Variants in PPP2R5C observed in about 807,000 individuals in gnomAD.
PPP2R5C encodes serine/threonine-protein phosphatase 2A 56 kDa regulatory subunit gamma isoform.
PPP2R5C carries 7 observed loss-of-function variants against 68.9 expected under a neutral mutation model. That is an observed-to-expected ratio of 0.10 (90% CI 0.06 to 0.19). The LOEUF is 0.19. Ranked by LOEUF, PPP2R5C falls within the 10% of genes least tolerant of loss-of-function variation. The probability of loss-of-function intolerance (pLI) is 1.00; values close to 1 mark genes in which losing one functional copy is unlikely to be tolerated. For synonymous variants in PPP2R5C, 210 were observed against 222.2 expected, an observed-to-expected ratio of 0.95 and a Z score of 0.49; for missense variants, 348 against 641.3, an observed-to-expected ratio of 0.54 and a Z score of 4.94.
intron 1 of PPP2R5C, chr14:101,810,244 C>A (rs2039277914): frequency 1.8e-6 from 1 of 562,442 alleles, no homozygotes; most frequent in Non-Finnish European, 3.2e-6. Context: ...AGAGGCCTTG[C>A]ATGCATAGTT....
chr14:101,819,013 T>C, intron 1 of PPP2R5C: 1 of 1,551,308 alleles, frequency 6.4e-7, no homozygotes, highest in Non-Finnish European at 8.7e-7. Context: ...TGAAGAACCC[T>C]CAAGCCCTAA....
chr14:101,807,971 G>C (rs541014910), upstream of PPP2R5C, among the ~76,000 whole-genome samples: 2 of 149,158 alleles, frequency 1.3e-5, no homozygotes, highest in East Asian at 3.9e-4. Context: ...TAAATCATTG[G>C]AGGGCAGGTC....
intron 1 of PPP2R5C, among the ~76,000 whole-genome samples, chr14:101,851,431 T>C (rs941270220): frequency 6.6e-6 from 1 of 152,132 alleles, no homozygotes; most frequent in Admixed American, 6.5e-5. Context: ...ACCCTGTCTC[T>C]AGTTAAAAAA....
intron 2 of PPP2R5C, among the ~76,000 whole-genome samples, chr14:101,862,086 A>T (rs1002708758): frequency 1.3e-5 from 2 of 151,932 alleles, no homozygotes; most frequent in African/African-American, 4.8e-5. Flanking sequence ...CTGATTTTTT[A>T]AATTTTTTTG....
chr14:101,870,510 T>G (rs567881359), intron 2 of PPP2R5C, among the ~76,000 whole-genome samples: 15 of 152,384 alleles, frequency 9.8e-5, no homozygotes, highest in Admixed American at 5.9e-4. Context: ...CGCGTGTTTG[T>G]GTATCTCTGT....
chr14:101,774,467 T>C (rs2037314775), intron 2 of PPP2R5C, among the ~76,000 whole-genome samples: 1 of 152,196 alleles, frequency 6.6e-6, no homozygotes, highest in Non-Finnish European at 1.5e-5. Context: ...TCAATCTCCT[T>C]TTCAGCTGCA....
At position 101,890,215 on chromosome 14, in the gene PPP2R5C, ATGGGAAAAT is replaced by A. The variant is rs1487119713; in HGVS notation, c.630-19_630-11del. 6 of 1,600,180 alleles carry A rather than the reference ATGGGAAAAT, an allele frequency of 3.7e-6. No individual in the cohort carries two copies. The highest frequency in any genetic ancestry group is 5.1e-6 in the Non-Finnish European group (6 of 1,168,198). The stretch of plus-strand genomic sequence containing the variant: ...CAGGTTAGTTCAGTGTCTAATTCTA[ATGGGAAAAT>A]TGTTTTTTCTAGGTTTATTTATGAA... On this transcript the variant is annotated splice_polypyrimidine_tract_variant and intron_variant, in intron 5 of 13. Coordinates refer to ENST00000334743, the Ensembl canonical transcript of PPP2R5C.
intron 2 of PPP2R5C, among the ~76,000 whole-genome samples, chr14:101,771,641 T>C (rs1407451876): frequency 6.6e-6 from 1 of 151,986 alleles, no homozygotes; most frequent in African/African-American, 2.4e-5. Flanking sequence ...GGCATAAGAA[T>C]TGCTTGAAAA....
At chr14:101,837,872 A>C (rs563692676) in intron 1 of PPP2R5C, among the ~76,000 whole-genome samples, 3 of 152,286 alleles carry the variant, frequency 2.0e-5, no homozygotes, top group African/African-American at 7.2e-5. Context: ...AGATGGGGGA[A>C]TGGGAAGGGT....
chr14:101,896,380 T>G (rs1315363147), intron 8 of PPP2R5C, among the ~76,000 whole-genome samples: 1 of 152,144 alleles, frequency 6.6e-6, no homozygotes, highest in East Asian at 1.9e-4. Flanking sequence ...GGTTTTGATT[T>G]GCAGTTCCCT....
intron 1 of PPP2R5C, chr14:101,836,796 A>T (rs1304781798): frequency 1.2e-5 from 2 of 168,006 alleles, no homozygotes; most frequent in African/African-American, 4.8e-5. Flanking sequence ...GATGCAGTAG[A>T]AAAGCAAGGG....
intron 11 of PPP2R5C, among the ~76,000 whole-genome samples, chr14:101,910,964 C>T (rs906556418): frequency 6.6e-6 from 1 of 152,052 alleles, no homozygotes. Flanking sequence ...ATTAGCCGGG[C>T]GTGGTGGCAG....
intron 3 of PPP2R5C, among the ~76,000 whole-genome samples, chr14:101,796,316 CT>C (rs915987547): frequency 6.6e-6 from 1 of 152,214 alleles, no homozygotes; most frequent in African/African-American, 2.4e-5. Context: ...CGCAGGGAAT[CT>C]CTGCTTTCAT....
chr14:101,846,359 A>G (rs150335620), intron 1 of PPP2R5C, among the ~76,000 whole-genome samples: 80 of 152,362 alleles, frequency 5.3e-4, no homozygotes, highest in African/African-American at 1.8e-3. Context: ...CCAAAAAAAG[A>G]AAAAGGAAAG....
At chr14:101,836,232 T>G (rs1220705584) in intron 1 of PPP2R5C, 1 of 702,904 alleles carries the variant, frequency 1.4e-6, no homozygotes, top group Admixed American at 2.0e-5. Context: ...GACCTTCAGC[T>G]GTGGCCGCCT....
intron 1 of PPP2R5C, chr14:101,824,875 G>A (rs2040301118): frequency 6.6e-6 from 1 of 152,578 alleles, no homozygotes; most frequent in Admixed American, 6.5e-5. Context: ...GAACTAATTG[G>A]TGGTCCTGGG....
Position 101,901,695 on chromosome 14 carries a change from C to G in PPP2R5C, c.853-24C>G. ...GTTGGGGCCTCGTGGGCATCAGTCA[C>G]TCCACGTGTCATTTCTTTTGTAGGT... On this transcript the variant is annotated intron_variant, in intron 8 of 13. Transcript: ENST00000334743. The G allele has an allele frequency of 1.9e-6, 3 of 1,611,368 alleles. 1 individual carries two copies. The South Asian group carries it at 3.3e-5, about 18-fold the overall frequency.
At chr14:101,830,937 CA>C (rs1304657557) in intron 1 of PPP2R5C, among the ~76,000 whole-genome samples, 1 of 152,210 alleles carries the variant, frequency 6.6e-6, no homozygotes, top group Non-Finnish European at 1.5e-5. Flanking sequence ...ACCGTCACGG[CA>C]GCATTTGCAG....
chr14:101,925,067 C>T (rs2047223322), intron 13 of PPP2R5C, 74 bp from the exon 16 acceptor site: 1 of 1,558,024 alleles, frequency 6.4e-7, no homozygotes, highest in East Asian at 2.3e-5. Flanking sequence ...TATCCTTTGA[C>T]TTCCACCTCA....
Sources: gnomAD v4.1 joint callset for allele counts (sites outside exome capture counted in the v4.1 genomes callset) on GRCh38, gnomAD v4.1.1 for gene constraint, MANE v1.5 for transcripts, NCBI Gene and HGNC (gene_info 2026-07-23, HGNC 2026-07-21) for gene names.